The following KCNAB1 variants were observed in gnomAD, a reference collection of about 807,000 sequenced individuals.
KCNAB1 encodes the protein potassium voltage-gated channel subfamily A regulatory beta subunit 1, also known as voltage-gated potassium channel subunit beta-1.
A neutral mutation model predicts 64.6 loss-of-function variants in KCNAB1; 35 were observed. The ratio of observed to expected loss-of-function variants is 0.54; its 90% confidence interval spans 0.41 to 0.72. The LOEUF (loss-of-function observed/expected upper bound fraction) is 0.72, where lower values mean the gene tolerates loss of function less well. Ranked by LOEUF, KCNAB1 falls within the 30% of genes least tolerant of loss-of-function variation. The probability of loss-of-function intolerance (pLI) is 0.00; values close to 1 mark genes in which losing one functional copy is unlikely to be tolerated. For synonymous variants in KCNAB1, 177 were observed against 183.8 expected, an observed-to-expected ratio of 0.96 and a Z score of 0.30; for missense variants, 401 against 512.9, an observed-to-expected ratio of 0.78 and a Z score of 2.11.
chr3:156,479,059 T>C (rs1454876282), intron 8 of KCNAB1, among the ~76,000 whole-genome samples: 1 of 152,162 alleles, frequency 6.6e-6, no homozygotes, highest in Non-Finnish European at 1.5e-5. Context: ...TTGTTTATTT[T>C]TTCTGGTTCA....
chr3:156,240,843 T>C (rs1440142687), intron 1 of KCNAB1, among the ~76,000 whole-genome samples: 1 of 151,990 alleles, frequency 6.6e-6, no homozygotes, highest in Non-Finnish European at 1.5e-5. Flanking sequence ...GAAACACCAG[T>C]AGGGGAGGAA....
intron 5 of KCNAB1, chr3:156,460,084 C>A: frequency 8.0e-6 from 4 of 499,676 alleles, no homozygotes; most frequent in Non-Finnish European, 1.4e-5. Context: ...CAATGAATTA[C>A]CAAAGAGTTG....
At chr3:156,437,452 C>T (rs1385757751) in intron 2 of KCNAB1, among the ~76,000 whole-genome samples, 8 of 152,110 alleles carry the variant, frequency 5.3e-5, no homozygotes, top group Non-Finnish European at 1.0e-4. Flanking sequence ...GGGTAGCATT[C>T]GGTTAAGCTT....
At chr3:156,471,403 T>A (rs1003523408) in intron 7 of KCNAB1, among the ~76,000 whole-genome samples, 5 of 152,228 alleles carry the variant, frequency 3.3e-5, no homozygotes, top group African/African-American at 1.2e-4. Context: ...TTTGAGTAAT[T>A]TATTTTCCTG....
intron 1 of KCNAB1, among the ~76,000 whole-genome samples, chr3:156,268,218 G>A (rs1718832675): frequency 6.6e-6 from 1 of 151,846 alleles, no homozygotes; most frequent in Non-Finnish European, 1.5e-5. Flanking sequence ...ATTTTTTATG[G>A]CCGAATAAAA....
At chr3:156,434,070 G>A (rs1716418313) in intron 2 of KCNAB1, among the ~76,000 whole-genome samples, 1 of 152,172 alleles carries the variant, frequency 6.6e-6, no homozygotes, top group African/African-American at 2.4e-5. Flanking sequence ...GCCTCAATTA[G>A]CATGGCCTGG....
At chr3:156,516,213 C>T (rs1717549184) in intron 10 of KCNAB1, 57 bp from the exon 11 acceptor site, 2 of 1,267,040 alleles carry the variant, frequency 1.6e-6, no homozygotes, top group Non-Finnish European at 2.3e-6. Context: ...CCCCCACCGC[C>T]ACCCACCTTT....
At chr3:156,495,253 A>C (rs1199258284) in intron 8 of KCNAB1, among the ~76,000 whole-genome samples, 1 of 152,138 alleles carries the variant, frequency 6.6e-6, no homozygotes, top group Non-Finnish European at 1.5e-5. Flanking sequence ...GGTTGTGAAG[A>C]AAAAGGAATA....
intron 1 of KCNAB1, among the ~76,000 whole-genome samples, chr3:156,189,951 A>C (rs1353812): frequency 0.68 from 103,427 of 152,008 alleles, 35,881 homozygotes; most frequent in East Asian, 0.9. Flanking sequence ...CCTTTTTGAC[A>C]GGTGTAATGT....
intron 1 of KCNAB1, among the ~76,000 whole-genome samples, chr3:156,355,963 A>C (rs1286116566): frequency 6.6e-6 from 1 of 151,948 alleles, no homozygotes; most frequent in Non-Finnish European, 1.5e-5. Flanking sequence ...CAAAAACTAA[A>C]ACACAAAAAT....
chr3:156,233,658 G>T (rs1378774627), intron 1 of KCNAB1, among the ~76,000 whole-genome samples: 1 of 152,148 alleles, frequency 6.6e-6, no homozygotes, highest in Non-Finnish European at 1.5e-5. Context: ...CTGTTAGAAA[G>T]CTCCTGCTGC....
At chr3:156,474,705 T>G (rs1714206404) in intron 7 of KCNAB1, 29 bp from the exon 8 acceptor site, 2 of 1,539,884 alleles carry the variant, frequency 1.3e-6, no homozygotes, top group Non-Finnish European at 1.8e-6. Context: ...ATTTAGATTT[T>G]GGGGTTTGTT....
At chr3:156,429,953 G>T (rs1378415165) in intron 2 of KCNAB1, among the ~76,000 whole-genome samples, 1 of 152,210 alleles carries the variant, frequency 6.6e-6, no homozygotes, top group Non-Finnish European at 1.5e-5. Context: ...TTTCTGGAAA[G>T]TCTAACTTGA....
Position 156,355,220 on chromosome 3 carries a change from A to G in KCNAB1, c.276-66396A>G, listed in dbSNP as rs532758758. Among the ~76,000 whole-genome samples, 91 of 152,362 alleles carry G rather than the reference A, an allele frequency of 6.0e-4. 2 individuals are homozygous for G. The highest frequency in any genetic ancestry group is 2.2e-3 in the African/African-American group (90 of 41,588). On this transcript the variant is annotated intron_variant, in intron 1 of 13. Transcript: ENST00000490337. ...CCATCATTTTTACAGAAACAAATAC[A>G]GATTGGAAATATCTAAGTATTTTAT...
chr3:156,352,590 G>A (rs1045643669), intron 1 of KCNAB1, among the ~76,000 whole-genome samples: 9 of 152,064 alleles, frequency 5.9e-5, no homozygotes, highest in Admixed American at 4.6e-4. Context: ...AACCTTACTC[G>A]GCCCTGGACA....
chr3:156,380,188 C>T (rs1712044692), intron 1 of KCNAB1, among the ~76,000 whole-genome samples: 1 of 152,200 alleles, frequency 6.6e-6, no homozygotes, highest in Admixed American at 6.5e-5. Context: ...TCTCCAGCGC[C>T]TTCCCCTCTA....
chr3:156,323,425 G>T (rs535710485), intron 1 of KCNAB1, among the ~76,000 whole-genome samples: 1 of 152,072 alleles, frequency 6.6e-6, no homozygotes, highest in African/African-American at 2.4e-5. Context: ...CATCCCAGTA[G>T]AACTCTATGT....
intron 11 of KCNAB1, among the ~76,000 whole-genome samples, chr3:156,522,602 G>C (rs1576973027): frequency 6.6e-6 from 1 of 152,214 alleles, no homozygotes; most frequent in Admixed American, 6.5e-5. Context: ...CAAAACTGGG[G>C]CGGCTTGCCC....
chr3:156,179,866 C>G (rs116791915), intron 1 of KCNAB1, among the ~76,000 whole-genome samples: 1 of 152,066 alleles, frequency 6.6e-6, no homozygotes, highest in Non-Finnish European at 1.5e-5. Context: ...ATGTTTTTAA[C>G]GTAAATCATC....
Sources: gnomAD v4.1 joint callset for allele counts (sites outside exome capture counted in the v4.1 genomes callset) on GRCh38, gnomAD v4.1.1 for gene constraint, MANE v1.5 for transcripts, NCBI Gene and HGNC (gene_info 2026-07-23, HGNC 2026-07-21) for gene names.